Variants in UIMC1 observed in about 807,000 individuals in gnomAD.
UIMC1 encodes BRCA1-A complex subunit RAP80.
UIMC1 carries 42 observed loss-of-function variants against 84.9 expected under a neutral mutation model. The observed-to-expected ratio is 0.49, with a 90% CI of 0.39 to 0.64. The LOEUF (loss-of-function observed/expected upper bound fraction) is 0.64. UIMC1 is among the 30% of genes least tolerant of loss of function. UIMC1 has a pLI of 0.00. For missense variants in UIMC1, 825 were observed against 847.6 expected (o/e 0.97, Z 0.33); for synonymous variants, 281 against 293.0 (o/e 0.96, Z 0.42).
intron 1 of UIMC1, among the ~76,000 whole-genome samples, chr5:176,997,065 G>A (rs1773715615): frequency 2.6e-5 from 4 of 152,074 alleles, no homozygotes; most frequent in Non-Finnish European, 5.9e-5. Context: ...TGAGAGCCCT[G>A]AGAAAAGAGT....
At chr5:176,918,087 T>A (rs1037471256) in intron 10 of UIMC1, among the ~76,000 whole-genome samples, 1 of 152,254 alleles carries the variant, frequency 6.6e-6, no homozygotes, top group Admixed American at 6.5e-5. Context: ...CAAGTTCCCA[T>A]TGGATAGTGC....
upstream of UIMC1, among the ~76,000 whole-genome samples, chr5:177,011,162 C>A (rs1371734202): frequency 6.7e-6 from 1 of 150,260 alleles, no homozygotes; most frequent in Non-Finnish European, 1.5e-5. Context: ...CCACTGCACT[C>A]CAGCCTGGGT....
intron 12 of UIMC1, among the ~76,000 whole-genome samples, chr5:176,907,746 TG>T (rs1189136907): frequency 6.6e-6 from 1 of 152,234 alleles, no homozygotes; most frequent in Admixed American, 6.5e-5. Flanking sequence ...TCGACAGAGT[TG>T]ATCTCACATA....
chr5:176,951,686 G>T, intron 8 of UIMC1, 109 bp from the exon 9 acceptor site: 1 of 687,276 alleles, frequency 1.5e-6, no homozygotes, highest in African/African-American at 1.9e-5. Context: ...ACAATACTGT[G>T]GTGGCAATAT....
chr5:176,977,818 G>A (rs1770369231), intron 2 of UIMC1, among the ~76,000 whole-genome samples: 1 of 151,518 alleles, frequency 6.6e-6, no homozygotes, highest in South Asian at 2.1e-4. Flanking sequence ...GCTGAGGCAG[G>A]CAGAATCACC....
intron 11 of UIMC1, among the ~76,000 whole-genome samples, chr5:176,909,434 C>G (rs1377289502): frequency 6.6e-6 from 1 of 152,050 alleles, no homozygotes; most frequent in East Asian, 1.9e-4. Flanking sequence ...AATCACAATT[C>G]TCAATTAATT....
At chr5:176,936,612 G>C (rs774131083) in intron 10 of UIMC1, among the ~76,000 whole-genome samples, 2 of 152,054 alleles carry the variant, frequency 1.3e-5, no homozygotes, top group Non-Finnish European at 2.9e-5. Flanking sequence ...ACTCCTCCCC[G>C]TTACCTCTCT....
intron 5 of UIMC1, 139 bp from the exon 6 acceptor site, chr5:176,969,430 T>C (rs971009819): frequency 2.4e-5 from 33 of 1,386,630 alleles, no homozygotes; most frequent in Non-Finnish European, 3.1e-5. Flanking sequence ...TGGTTTTTCC[T>C]TGGAGATAAA....
intron 2 of UIMC1, among the ~76,000 whole-genome samples, chr5:176,976,361 G>A (rs552349683): frequency 1.3e-5 from 2 of 152,150 alleles, no homozygotes; most frequent in South Asian, 2.1e-4. Context: ...GGTTTGAAAA[G>A]AATTTCTCTG....
intron 13 of UIMC1, 195 bp from the exon 14 acceptor site, chr5:176,906,242 T>A (rs1209996003): frequency 3.6e-6 from 2 of 555,526 alleles, no homozygotes; most frequent in East Asian, 2.9e-5. Flanking sequence ...GGCACTCAGA[T>A]GAACACTTTT....
At chr5:176,952,337 C>G (rs114872139) in intron 8 of UIMC1, among the ~76,000 whole-genome samples, 6 of 152,306 alleles carry the variant, frequency 3.9e-5, no homozygotes, top group African/African-American at 1.4e-4. Context: ...TAAGCAGCAT[C>G]TATTAATTCA....
At chr5:176,928,512 A>C (rs934834040) in intron 10 of UIMC1, among the ~76,000 whole-genome samples, 1 of 152,254 alleles carries the variant, frequency 6.6e-6, no homozygotes, top group Non-Finnish European at 1.5e-5. Context: ...ACTCTTCTGT[A>C]AATTAAAAGA....
Position 176,905,461 on chromosome 5 carries a change from A to G in UIMC1, c.1981T>C (p.Cys661Arg), listed in dbSNP as rs773249709. 2 of 1,614,032 alleles carry G rather than the reference A, an allele frequency of 1.2e-6. No homozygotes were observed. Among genetic ancestry groups the G allele is most frequent in the African/African-American group, 1.3e-5 (1 of 74,926 alleles). ...AAAGAACTCTGCATCTCTCTGCTGC[A>G]GCCTGCCTCTTCCATCCCTGGTGAA... ...VPSPGMEEAG[C>R]SREMQSSFTR... Residue 661 changes from cysteine to arginine, a missense_variant, in exon 15 of 15, where the codon TGC (cysteine) becomes CGC (arginine). Physicochemically the swap from Cys to Arg is radical, Grantham distance 180 (BLOSUM62 -3). Coordinates refer to ENST00000511320, the MANE Select transcript of UIMC1 (RefSeq NM_001199298.2).
At chr5:176,978,937 T>C (rs1770572633) in intron 2 of UIMC1, among the ~76,000 whole-genome samples, 1 of 152,142 alleles carries the variant, frequency 6.6e-6, no homozygotes, top group African/African-American at 2.4e-5. Flanking sequence ...ATCAACATTA[T>C]TCTGGAAGCT....
chr5:176,998,645 T>C (rs753064940), intron 1 of UIMC1, among the ~76,000 whole-genome samples: 15 of 151,744 alleles, frequency 9.9e-5, no homozygotes, highest in African/African-American at 3.2e-4. Flanking sequence ...TGCATGCCTG[T>C]AATCCCAGCT....
chr5:176,907,528 C>A (rs947496797), intron 12 of UIMC1, among the ~76,000 whole-genome samples: 1 of 152,246 alleles, frequency 6.6e-6, no homozygotes, highest in Non-Finnish European at 1.5e-5. Flanking sequence ...AGAGAGGGGT[C>A]TCTTTCTTCT....
intron 12 of UIMC1, among the ~76,000 whole-genome samples, chr5:176,908,230 T>G (rs35977534): frequency 6.6e-6 from 1 of 151,938 alleles, no homozygotes; most frequent in Non-Finnish European, 1.5e-5. Flanking sequence ...AAAAAAAGAC[T>G]GGAAGAAAAT....
intron 1 of UIMC1, among the ~76,000 whole-genome samples, chr5:176,984,964 C>A (rs1380956881): frequency 6.6e-6 from 1 of 152,136 alleles, no homozygotes; most frequent in Non-Finnish European, 1.5e-5. Flanking sequence ...CGGAAGGCCA[C>A]AGGGACCTCT....
chr5:176,967,219 ATG>A (rs574767915), intron 6 of UIMC1, among the ~76,000 whole-genome samples: 5 of 152,112 alleles, frequency 3.3e-5, no homozygotes, highest in Non-Finnish European at 7.3e-5. Flanking sequence ...TGTGGATGAA[ATG>A]TCTTCTGGAC....
Sources: allele counts gnomAD v4.1 joint callset (sites outside exome capture counted in the v4.1 genomes callset), GRCh38; gene constraint gnomAD v4.1.1; transcripts MANE v1.5; gene names NCBI Gene and HGNC (gene_info 2026-07-23, HGNC 2026-07-21).